The following CSGALNACT1 variants were observed in gnomAD, a reference collection of about 807,000 sequenced individuals.
The protein encoded by CSGALNACT1 is chondroitin sulfate N-acetylgalactosaminyltransferase 1, also known as beta4GalNAcT-1.
CSGALNACT1 carries 52 observed loss-of-function variants against 51.0 expected under a neutral mutation model. The ratio of observed to expected loss-of-function variants is 1.02; its 90% CI spans 0.82 to 1.29. The LOEUF is 1.29. Ranked by LOEUF, CSGALNACT1 falls within the 50% of genes most tolerant of loss-of-function variation. CSGALNACT1 has a pLI of 0.00. For synonymous variants in CSGALNACT1, 341 were observed against 254.4 expected (o/e 1.34, Z -3.24); for missense variants, 935 against 679.2 (o/e 1.38, Z -4.19).
intron 4 of CSGALNACT1, among the ~76,000 whole-genome samples, chr8:19,473,570 A>T (rs959793731): frequency 6.6e-6 from 1 of 152,200 alleles, no homozygotes; most frequent in Non-Finnish European, 1.5e-5. Context: ...CACCTTAAAT[A>T]AGATATTTAA....
intron 1 of CSGALNACT1, among the ~76,000 whole-genome samples, chr8:19,722,806 A>G (rs1222073897): frequency 1.3e-5 from 2 of 152,228 alleles, no homozygotes; most frequent in South Asian, 4.1e-4. Context: ...AGGAATTAAC[A>G]TGTTGGGGAC....
intron 4 of CSGALNACT1, among the ~76,000 whole-genome samples, chr8:19,466,162 A>G (rs946927537): frequency 2.6e-5 from 4 of 152,238 alleles, no homozygotes. Flanking sequence ...TACATGTTCA[A>G]CAAGAAAACA....
At chr8:19,637,128 C>T (rs2056179162) in intron 1 of CSGALNACT1, among the ~76,000 whole-genome samples, 1 of 152,158 alleles carries the variant, frequency 6.6e-6, no homozygotes, top group African/African-American at 2.4e-5. Flanking sequence ...ATCGCTTGAA[C>T]CCAGGAGGCA....
At chr8:19,503,137 C>T (rs370830206) in intron 4 of CSGALNACT1, among the ~76,000 whole-genome samples, 1 of 152,324 alleles carries the variant, frequency 6.6e-6, no homozygotes, top group South Asian at 2.1e-4. Flanking sequence ...ATAAACTGCT[C>T]ATCATAGTTC....
chr8:19,531,458 C>T (rs577662914), intron 3 of CSGALNACT1, among the ~76,000 whole-genome samples: 5 of 152,196 alleles, frequency 3.3e-5, no homozygotes, highest in African/African-American at 1.2e-4. Flanking sequence ...GAGTGGATCA[C>T]TTCATTTATT....
Position 19,757,639 on chromosome 8 carries a change from G to A in CSGALNACT1, c.-297+211C>T, listed in dbSNP as rs956903324. On this transcript the variant is annotated intron_variant, in intron 1 of 1. Transcript: ENST00000517494. This position sits in a 1 kb window ranked among gnomAD's most constrained non-coding sequence, Gnocchi z 4.0. ...GGCGTGGCCCGAGTTGCAGGAGAGA[G>A]GTGTCCAATCTCCATGGGGTCCTTA... 3.9e-5 allele frequency among the ~76,000 whole-genome samples: 6 copies of A among 152,158 alleles called. No individual in the cohort carries two copies. The highest frequency in any genetic ancestry group is 1.4e-4 in the African/African-American group (6 of 41,444).
At chr8:19,563,750 A>C (rs10100589) in intron 3 of CSGALNACT1, among the ~76,000 whole-genome samples, 1 of 151,950 alleles carries the variant, frequency 6.6e-6, no homozygotes, top group Non-Finnish European at 1.5e-5. Flanking sequence ...GCCTCCTAAC[A>C]CAAGTCTGCT....
intron 1 of CSGALNACT1, among the ~76,000 whole-genome samples, chr8:19,743,612 G>A (rs934763273): frequency 6.6e-6 from 1 of 152,130 alleles, no homozygotes; most frequent in Non-Finnish European, 1.5e-5. Context: ...TTTCAGTGAT[G>A]GTGGTTTGAT....
At chr8:19,471,338 A>T (rs962059063) in intron 4 of CSGALNACT1, among the ~76,000 whole-genome samples, 2 of 152,164 alleles carry the variant, frequency 1.3e-5, no homozygotes, top group African/African-American at 2.4e-5. Context: ...TCCCAGGATC[A>T]AGTTTAAAGG....
intron 1 of CSGALNACT1, among the ~76,000 whole-genome samples, chr8:19,723,244 T>C (rs990210018): frequency 1.3e-5 from 2 of 152,218 alleles, no homozygotes; most frequent in African/African-American, 2.4e-5. Flanking sequence ...GAACTTATAT[T>C]TGGGGTATAC....
intron 8 of CSGALNACT1, among the ~76,000 whole-genome samples, chr8:19,416,657 T>A (rs1198845257): frequency 1.3e-5 from 2 of 152,206 alleles, no homozygotes; most frequent in African/African-American, 2.4e-5. Flanking sequence ...CGTGCTTCAA[T>A]TGCCTGTAGT....
intron 4 of CSGALNACT1, among the ~76,000 whole-genome samples, chr8:19,495,375 G>C (rs186404519): frequency 1.5e-4 from 23 of 152,292 alleles, no homozygotes; most frequent in African/African-American, 5.1e-4. Context: ...CTGTTGTGGT[G>C]AAGTCCTCAG....
intron 1 of CSGALNACT1, among the ~76,000 whole-genome samples, chr8:19,657,065 T>TAA (rs200755706): frequency 2.0e-4 from 25 of 125,730 alleles, no homozygotes; most frequent in Admixed American, 1.1e-3. Flanking sequence ...TCCATCTCAT[T>TAA]AAAAAAAAAA....
intron 3 of CSGALNACT1, among the ~76,000 whole-genome samples, chr8:19,553,623 AT>A (rs2088831455): frequency 7.4e-6 from 1 of 134,844 alleles, no homozygotes; most frequent in African/African-American, 3.1e-5. Context: ...ATAAATACAT[AT>A]ATATATATAT....
exon 10 of CSGALNACT1, chr8:19,405,659 T>A: frequency 7.8e-7 from 1 of 1,287,812 alleles, no homozygotes; most frequent in South Asian, 1.2e-5. Flanking sequence ...GGCTTTCTCA[T>A]CTCTGACCCA....
intron 2 of CSGALNACT1, among the ~76,000 whole-genome samples, chr8:19,596,204 G>C (rs1043829390): frequency 1.3e-5 from 2 of 151,920 alleles, no homozygotes; most frequent in African/African-American, 4.8e-5. Context: ...TCACATTGTG[G>C]GTCAGAAACT....
chr8:19,579,858 T>C (rs2045165662), intron 3 of CSGALNACT1, among the ~76,000 whole-genome samples: 1 of 152,078 alleles, frequency 6.6e-6, no homozygotes, highest in African/African-American at 2.4e-5. Flanking sequence ...CAAAAAGTAA[T>C]GGTAATATCA....
At chr8:19,656,072 C>A (rs1386797753) in intron 1 of CSGALNACT1, among the ~76,000 whole-genome samples, 1 of 152,110 alleles carries the variant, frequency 6.6e-6, no homozygotes, top group Non-Finnish European at 1.5e-5. Context: ...GTGAGGGCAA[C>A]TTGTGCTTCA....
chr8:19,734,107 G>C (rs62494506), intron 1 of CSGALNACT1, among the ~76,000 whole-genome samples: 1 of 152,260 alleles, frequency 6.6e-6, no homozygotes. Flanking sequence ...AACAGAACCT[G>C]AATGGCCACT....
Sources: allele counts gnomAD v4.1 joint callset (sites outside exome capture counted in the v4.1 genomes callset), GRCh38; gene constraint gnomAD v4.1.1; non-coding constraint Gnocchi (gnomAD v3.1); transcripts MANE v1.5; gene names NCBI Gene and HGNC (gene_info 2026-07-23, HGNC 2026-07-21).